COL4A5: variants seen among roughly 807,000 people sequenced by gnomAD.
COL4A5 encodes collagen type IV alpha 5 chain.
Under a neutral mutation model 130.2 loss-of-function variants are expected in COL4A5, and 26 were observed. That is an observed-to-expected ratio of 0.20 (90% CI 0.15 to 0.28). The LOEUF (loss-of-function observed/expected upper bound fraction) is 0.28. Ranked by LOEUF, COL4A5 falls within the 10% of genes least tolerant of loss-of-function variation. The probability of loss-of-function intolerance (pLI) is 1.00; values close to 1 mark genes in which losing one functional copy is unlikely to be tolerated. For missense variants in COL4A5, 1,131 were observed against 1,344.3 expected (o/e 0.84, Z 2.48); for synonymous variants, 496 against 439.6 (o/e 1.13, Z -1.60).
chrX:108,522,766 T>A (rs2065276300), intron 1 of COL4A5, among the ~76,000 whole-genome samples: 1 of 109,369 alleles, frequency 9.1e-6, no homozygotes, highest in Non-Finnish European at 1.9e-5. Flanking sequence ...TAGTGTCCTT[T>A]GAAGCTCAAA....
rs1467141857 is a variant in COL4A5, at chrX:108,555,854, C to T, written c.142-3210C>T. Among the ~76,000 whole-genome samples the T allele has an allele frequency of 4.5e-5, 5 of 111,548 alleles. No homozygotes were observed. The East Asian group carries it at 1.4e-3, about 31-fold the overall frequency. ...TGATATATAAACCACTAAAAGTTAT[C>T]CTTTGTATAATTTCCCCTAGCCCTA... is the stretch of plus-strand genomic sequence containing the variant. On this transcript the variant is annotated intron_variant, in intron 2 of 52. Transcript: ENST00000328300.
intron 29 of COL4A5, among the ~76,000 whole-genome samples, chrX:108,608,299 A>C: frequency 9.0e-6 from 1 of 111,669 alleles, no homozygotes; most frequent in East Asian, 2.8e-4. Context: ...TTGTTAAAAA[A>C]TTTTAAGTAC....
At chrX:108,602,337 C>T (rs1349443090) in intron 27 of COL4A5, among the ~76,000 whole-genome samples, 1 of 111,965 alleles carries the variant, frequency 8.9e-6, no homozygotes, top group Non-Finnish European at 1.9e-5. Context: ...ATTTTTTAAA[C>T]AGAAAACAGA....
chrX:108,684,196 T>C (rs2147986375), intron 47 of COL4A5, among the ~76,000 whole-genome samples: 1 of 110,382 alleles, frequency 9.1e-6, no homozygotes, highest in South Asian at 3.9e-4. Flanking sequence ...TATATCAAAA[T>C]TAAAAGAACT....
intron 49 of COL4A5, among the ~76,000 whole-genome samples, chrX:108,691,787 A>G (rs113924144): frequency 1.2e-3 from 138 of 112,152 alleles, no homozygotes; most frequent in African/African-American, 3.8e-3. Context: ...TATATTTTCT[A>G]TAATGGTTAA....
At chrX:108,571,347 A>G in intron 6 of COL4A5, 66 bp from the exon 7 acceptor site, 4 of 840,527 alleles carry the variant, frequency 4.8e-6, no homozygotes. Context: ...AAGAAGTCAT[A>G]TCTTGATGGT....
At chrX:108,618,903 C>A (rs1002197647) in intron 30 of COL4A5, among the ~76,000 whole-genome samples, 1 of 110,439 alleles carries the variant, frequency 9.1e-6, no homozygotes, top group African/African-American at 3.3e-5. Context: ...AGATTTAAGT[C>A]TTTGGTTTAT....
At chrX:108,616,727 G>A (rs748854586) in intron 30 of COL4A5, among the ~76,000 whole-genome samples, 1 of 110,928 alleles carries the variant, frequency 9.0e-6, no homozygotes, top group Non-Finnish European at 1.9e-5. Flanking sequence ...CACGTGTCAC[G>A]CTTTTTCAGA....
intron 17 of COL4A5, among the ~76,000 whole-genome samples, chrX:108,583,346 T>C (rs888972469): frequency 1.8e-5 from 2 of 112,050 alleles, no homozygotes; most frequent in African/African-American, 6.5e-5. Flanking sequence ...TATGCAATTA[T>C]TGTCTGTAAG....
intron 1 of COL4A5, among the ~76,000 whole-genome samples, chrX:108,498,326 G>A (rs2065051283): frequency 9.0e-6 from 1 of 110,891 alleles, no homozygotes; most frequent in Middle Eastern, 4.3e-3. Flanking sequence ...TCTAATTTTG[G>A]ACTCTCCATT....
At chrX:108,479,316 C>T (rs1398949770) in intron 1 of COL4A5, among the ~76,000 whole-genome samples, 2 of 112,349 alleles carry the variant, frequency 1.8e-5, no homozygotes, top group Non-Finnish European at 1.9e-5. Flanking sequence ...ACCATCCAGC[C>T]AAAGCATTGG....
intron 36 of COL4A5, among the ~76,000 whole-genome samples, chrX:108,653,321 C>T (rs767878646): frequency 4.5e-5 from 5 of 110,112 alleles, no homozygotes; most frequent in South Asian, 3.9e-4. Flanking sequence ...CAAGACCCCC[C>T]GTTGGATGCC....
intron 1 of COL4A5, among the ~76,000 whole-genome samples, chrX:108,531,263 G>A (rs1264907884): frequency 3.1e-5 from 3 of 97,961 alleles, no homozygotes; most frequent in African/African-American, 7.4e-5. Flanking sequence ...AATGCTAAAT[G>A]ACGAGTTAAT....
At chrX:108,552,036 A>G (rs2065760655) in intron 2 of COL4A5, among the ~76,000 whole-genome samples, 1 of 111,463 alleles carries the variant, frequency 9.0e-6, no homozygotes, top group Non-Finnish European at 1.9e-5. Flanking sequence ...TATGGCAGCA[A>G]TAGACACTGG....
In COL4A5 at chrX:108,439,951, T is replaced by G; in HGVS notation, c.-175T>G. ...GGGGGAAGGAAGAGTAGCTCCTTCT[T>G]CTTCTTCTTTTTTTTTTCTTCCACT... On this transcript the variant is annotated 5_prime_UTR_variant, in exon 1 of 53. Coordinates refer to ENST00000328300, the MANE Select transcript of COL4A5 (RefSeq NM_033380.3). The G allele has an allele frequency of 2.3e-6, 1 of 443,883 alleles. No homozygotes were observed. Among genetic ancestry groups the G allele is most frequent in the East Asian group, 3.8e-5 (1 of 26,255 alleles). 36.6% of individuals were successfully genotyped at this position (443,883 alleles called of 1,213,427 possible). A position where few individuals can be genotyped will look rare whatever the true frequency, so the allele number is the denominator to read the frequency against.
At position 108,620,288 on chromosome X, in the gene COL4A5, G is replaced by A. The variant is rs1244012104; in HGVS notation, c.2539G>A (p.Asp847Asn). 1 of 1,208,480 alleles carries A rather than the reference G, an allele frequency of 8.3e-7. No homozygotes were observed. The highest frequency in any genetic ancestry group is 1.1e-6 in the Non-Finnish European group (1 of 893,147). Residue 847 changes from aspartate (D) to asparagine (N), a missense_variant, in exon 31 of 53, where the codon GAT becomes AAT. Physicochemically the swap from Asp to Asn is conservative, Grantham distance 23. Transcript: ENST00000328300. ...ACATGGAATACCAGGAGAGAAGGGG[G>A]ATCCAGGACCTCCTGGACTTGATGT... ...GLHGIPGEKG[D>N]PGPPGLDVPG...
At chrX:108,541,152 A>G (rs1166746063) in intron 2 of COL4A5, among the ~76,000 whole-genome samples, 1 of 112,265 alleles carries the variant, frequency 8.9e-6, no homozygotes, top group East Asian at 2.8e-4. Context: ...TGACCATGTT[A>G]TAGACTTTCC....
intron 1 of COL4A5, among the ~76,000 whole-genome samples, chrX:108,522,970 C>T (rs752032690): frequency 7.4e-5 from 8 of 107,583 alleles, no homozygotes; most frequent in Admixed American, 5.0e-4. Flanking sequence ...CTCCGCCTCC[C>T]GGGTTCAAGT....
intron 1 of COL4A5, among the ~76,000 whole-genome samples, chrX:108,511,405 T>C (rs1434617212): frequency 8.9e-6 from 1 of 112,053 alleles, no homozygotes; most frequent in African/African-American, 3.2e-5. Flanking sequence ...ATCTAAGCAT[T>C]CAGTGCAGTC....
Sources: gnomAD v4.1 joint callset for allele counts (sites outside exome capture counted in the v4.1 genomes callset) on GRCh38, gnomAD v4.1.1 for gene constraint, MANE v1.5 for transcripts, NCBI Gene and HGNC (gene_info 2026-07-23, HGNC 2026-07-21) for gene names.